Variants in STARD9 observed in about 807,000 individuals in gnomAD.
STARD9 encodes the protein stAR-related lipid transfer protein 9.
In STARD9, 346 loss-of-function variants were observed where a neutral mutation model predicts 399.8. That is an observed-to-expected ratio of 0.87 (90% CI 0.79 to 0.95). STARD9 has a LOEUF of 0.95. Ranked by LOEUF, STARD9 falls within the 40% of genes least tolerant of loss-of-function variation. The pLI, the probability that STARD9 is intolerant of heterozygous loss-of-function variation, is 0.00. For synonymous variants in STARD9, 2,203 were observed against 2,143.5 expected, an observed-to-expected ratio of 1.03 and a Z score of -0.77; for missense variants, 5,832 against 5,667.5, an observed-to-expected ratio of 1.03 and a Z score of -0.93.
chr15:42,673,648 C>T (rs564898529), intron 16 of STARD9, among the ~76,000 whole-genome samples: 2 of 152,266 alleles, frequency 1.3e-5, no homozygotes, highest in South Asian at 4.1e-4. Context: ...GTATAAAGTA[C>T]TCAGCATAAT....
At chr15:42,598,671 A>G (rs2058564057) in intron 3 of STARD9, among the ~76,000 whole-genome samples, 1 of 152,132 alleles carries the variant, frequency 6.6e-6, no homozygotes, top group African/African-American at 2.4e-5. Flanking sequence ...CAGGGTAGTT[A>G]GGATAGCCAT....
At chr15:42,594,644 T>G (rs1158488406) in intron 3 of STARD9, among the ~76,000 whole-genome samples, 1 of 152,178 alleles carries the variant, frequency 6.6e-6, no homozygotes, top group Non-Finnish European at 1.5e-5. Context: ...TTTTTTTTGT[T>G]TGTTTGTTTT....
chr15:42,654,879 A>G (rs111805819), intron 9 of STARD9, among the ~76,000 whole-genome samples: 3,239 of 152,330 alleles, frequency 0.021, 111 homozygotes, highest in African/African-American at 0.074. Context: ...ATTCAATGCA[A>G]TCCCCATCAA....
intron 3 of STARD9, chr15:42,630,147 G>C (rs1375646767): frequency 1.3e-5 from 2 of 151,876 alleles, no homozygotes; most frequent in African/African-American, 4.8e-5. Context: ...GGGACTACAG[G>C]TGCGTGCCAC....
chr15:42,691,474 C>A lies in STARD9; in HGVS notation c.9896C>A (p.Ala3299Glu), dbSNP rs2060698888. The change falls in exon 23 of 33, where the codon GCA becomes GAA. Residue 3299 changes from alanine (A) to glutamate (E), a missense_variant. Transcript: ENST00000290607. ...GHLYTGREQP[A>E]PNHRGSLPVT... Reference sequence around the variant, plus strand: ...CTCTACACTGGCAGAGAGCAGCCAGCACCCAACCACAGGGGCTCACTTCCT... The same window carrying A: ...CTCTACACTGGCAGAGAGCAGCCAGAACCCAACCACAGGGGCTCACTTCCT... The A allele has an allele frequency of 1.3e-6, 2 of 1,537,126 alleles. No homozygotes were observed. Among genetic ancestry groups the A allele is most frequent in the Non-Finnish European group, 1.7e-6 (2 of 1,146,910 alleles).
In STARD9 at chr15:42,691,773, C is replaced by T. The variant is rs2060710978; in HGVS notation, c.10195C>T (p.His3399Tyr). 4 of 1,537,262 alleles carry T rather than the reference C, an allele frequency of 2.6e-6. No homozygotes were observed. The highest frequency in any genetic ancestry group is 2.6e-6 in the Non-Finnish European group (3 of 1,146,920). Residue 3399 changes from histidine to tyrosine, a missense_variant, in exon 23 of 33, where the codon CAC becomes TAC. By Grantham distance (83) the His-to-Tyr change is moderately conservative. Around this residue, in one of 2 missense-constraint regions of STARD9, gnomAD observed 5,828 missense variants for 5,651.1 expected, o/e 1.03. Transcript: ENST00000290607. ...RLDDGTTDHR[H>Y]LKPATPPYPM... ...GGATGATGGGACTACCGATCACAGGCACCTGAAGCCTGCCACCCCTCCTTA... is the reference window on the plus strand; with the variant it reads ...GGATGATGGGACTACCGATCACAGGTACCTGAAGCCTGCCACCCCTCCTTA...
At position 42,685,014 on chromosome 15, in the gene STARD9, C is replaced by G; in HGVS notation, c.3436C>G (p.Leu1146Val). The G allele has an allele frequency of 6.5e-7, 1 of 1,537,146 alleles. No individual in the cohort carries two copies. The highest frequency in any genetic ancestry group is 1.2e-5 in the South Asian group (1 of 84,052). The change falls in exon 23 of 33, where the codon CTA (leucine) becomes GTA (valine). Residue 1146 changes from leucine (L) to valine (V), a missense_variant. Transcript: ENST00000290607. The part of the protein sequence containing the change: ...PENSESDDSQ[L>V]SEDSLAEKRY... ...GAACTCTGAAAGTGATGACAGCCAA[C>G]TATCTGAGGACTCACTGGCTGAGAA...
chr15:42,649,699 A>G (rs2059718472), intron 7 of STARD9, among the ~76,000 whole-genome samples: 1 of 151,648 alleles, frequency 6.6e-6, no homozygotes, highest in Non-Finnish European at 1.5e-5. Flanking sequence ...AGCTTGGACT[A>G]TAGGCTCCCG....
At chr15:42,626,582 C>T (rs1011769998) in intron 3 of STARD9, among the ~76,000 whole-genome samples, 2 of 151,904 alleles carry the variant, frequency 1.3e-5, no homozygotes, top group Admixed American at 6.6e-5. Context: ...CTCACTGCAG[C>T]CTCCGCCTCC....
At chr15:42,619,919 G>A (rs2059052550) in intron 3 of STARD9, among the ~76,000 whole-genome samples, 1 of 152,184 alleles carries the variant, frequency 6.6e-6, no homozygotes, top group South Asian at 2.1e-4. Context: ...TTGAGGTTGG[G>A]GTTGAATAAA....
chr15:42,691,998 C>T lies in STARD9; in HGVS notation c.10420C>T (p.Arg3474Cys), dbSNP rs1240121928. The change falls in exon 23 of 33, where the codon CGT becomes TGT. Residue 3474 changes from arginine (R) to cysteine (C), a missense_variant. Arg to Cys is a radical substitution (Grantham distance 180, BLOSUM62 -3). This residue lies in a region of STARD9 where 5,828 missense variants were observed against 5,651.1 expected (regional missense o/e 1.03). Coordinates refer to ENST00000290607, the MANE Select transcript of STARD9 (RefSeq NM_020759.3). ...CATCAGTCCCTATGCGCTGCCGTGG[C>T]GTCCGGAGGAGCCTGCACGTATCAG... ...SDISPYALPW[R>C]PEEPARISWK... 28 of 1,537,162 alleles carry T rather than the reference C, an allele frequency of 1.8e-5. No homozygotes were observed. Among genetic ancestry groups the T allele is most frequent in the Non-Finnish European group, 2.3e-5 (26 of 1,146,856 alleles).
chr15:42,710,771 C>T (rs1275608923), intron 26 of STARD9, among the ~76,000 whole-genome samples: 1 of 152,172 alleles, frequency 6.6e-6, no homozygotes, highest in Non-Finnish European at 1.5e-5. Flanking sequence ...CAGAAAGCTC[C>T]TGGGAGAAGG....
chr15:42,692,550 T>A lies in STARD9; in HGVS notation c.10972T>A (p.Phe3658Ile). The change falls in exon 23 of 33, where the codon TTT becomes ATT. Residue 3658 changes from phenylalanine (F) to isoleucine (I), a missense_variant. Physicochemically the swap from Phe to Ile is conservative, Grantham distance 21 (BLOSUM62 0). This residue lies in a region of STARD9 where 5,828 missense variants were observed against 5,651.1 expected (regional missense o/e 1.03). Coordinates refer to ENST00000290607, the MANE Select transcript of STARD9 (RefSeq NM_020759.3). ...CCACTGGAGCAGCACTGACATCTCC[T>A]TTGCTCAGCCTGAAGCCAGTGCAGT... Reference protein sequence around the residue: ...RRHWSSTDISFAQPEASAVSA... With the variant: ...RRHWSSTDISIAQPEASAVSA... The A allele has an allele frequency of 6.5e-7, 1 of 1,537,222 alleles. No homozygotes were observed. Among genetic ancestry groups the A allele is most frequent in the South Asian group, 1.2e-5 (1 of 84,066 alleles).
chr15:42,635,029 G>T (rs2059393643), intron 4 of STARD9, 57 bp downstream of exon 4: 3 of 908,222 alleles, frequency 3.3e-6, no homozygotes, highest in Admixed American at 5.0e-5. Flanking sequence ...ACCTTGCATT[G>T]TCCTTACTAC....
At chr15:42,633,285 G>T (rs367939855) in intron 3 of STARD9, among the ~76,000 whole-genome samples, 30 of 152,240 alleles carry the variant, frequency 2.0e-4, no homozygotes, top group Admixed American at 1.2e-3. Context: ...TAAAGAAACT[G>T]AAGTTTACAA....
At chr15:42,635,530 C>T (rs1354512500) in intron 4 of STARD9, among the ~76,000 whole-genome samples, 2 of 151,912 alleles carry the variant, frequency 1.3e-5, no homozygotes, top group African/African-American at 4.8e-5. Context: ...GGGGTTTCAC[C>T]GTGTTAGCCA....
chr15:42,709,587 A>G (rs1312226327), intron 26 of STARD9, among the ~76,000 whole-genome samples: 7 of 152,186 alleles, frequency 4.6e-5, no homozygotes, highest in African/African-American at 1.7e-4. Context: ...CAGAAGGCTG[A>G]GACAGGAGAA....
rs143499451 is a variant in STARD9, at chr15:42,661,513, T to C, written c.770+288T>C. Among the ~76,000 whole-genome samples the C allele has an allele frequency of 5.6e-3, 859 of 152,204 alleles. 9 individuals are homozygous for C. The highest frequency in any genetic ancestry group is 0.02 in the African/African-American group (820 of 41,524). On this transcript the variant is annotated intron_variant, in intron 10 of 32. Coordinates refer to ENST00000290607, the MANE Select transcript of STARD9 (RefSeq NM_020759.3). ...AGGCTGGAGTGCAGTAGTATGATCATGGCTCATTGTAACCCTGAACTACTG... is the reference window on the plus strand; with the variant it reads ...AGGCTGGAGTGCAGTAGTATGATCACGGCTCATTGTAACCCTGAACTACTG...
chr15:42,665,749 C>G, intron 14 of STARD9, 37 bp from the exon 15 acceptor site: 2 of 1,528,076 alleles, frequency 1.3e-6, no homozygotes, highest in Non-Finnish European at 1.8e-6. Context: ...AAGTTCAGAC[C>G]AGGAAAATAT....
Sources: gnomAD v4.1 joint callset for allele counts (sites outside exome capture counted in the v4.1 genomes callset) on GRCh38, gnomAD v4.1.1 for gene constraint, gnomAD v4.1.1 regional missense constraint, MANE v1.5 for transcripts, NCBI Gene and HGNC (gene_info 2026-07-23, HGNC 2026-07-21) for gene names.